Variants in USP32 observed in about 807,000 individuals in gnomAD.
The protein encoded by USP32 is ubiquitin carboxyl-terminal hydrolase 32.
USP32 carries 59 observed loss-of-function variants against 204.8 expected under a neutral mutation model. The ratio of observed to expected loss-of-function variants is 0.29; its 90% CI spans 0.23 to 0.36. The LOEUF is 0.36. Among genes scored for constraint, USP32 ranks in the 10% least tolerant of loss-of-function variants. The probability of loss-of-function intolerance (pLI) is 1.00; values close to 1 mark genes in which losing one functional copy is unlikely to be tolerated. For missense variants in USP32, 1,160 were observed against 1,946.4 expected, an observed-to-expected ratio of 0.60 and a Z score of 7.60; for synonymous variants, 517 against 678.4, an observed-to-expected ratio of 0.76 and a Z score of 3.70.
chr17:60,344,625 G>A (rs192161201), intron 2 of USP32, among the ~76,000 whole-genome samples: 37 of 151,612 alleles, frequency 2.4e-4, no homozygotes, highest in African/African-American at 7.5e-4. Context: ...AATTTTTTTG[G>A]TTGCTGTTTT....
intron 4 of USP32, among the ~76,000 whole-genome samples, chr17:60,294,383 AGTGTGT>A (rs60195146): frequency 3.4e-5 from 5 of 146,484 alleles, no homozygotes; most frequent in South Asian, 2.2e-4. Context: ...TTCCTGCAGG[AGTGTGT>A]GTGTGTGTGT....
At position 60,178,004 on chromosome 17, in the gene USP32, T is replaced by C. The variant is rs925759410; in HGVS notation, c.*1251A>G. On this transcript the variant is annotated 3_prime_UTR_variant, in exon 34 of 34. Coordinates refer to ENST00000300896, the MANE Select transcript of USP32 (RefSeq NM_032582.4). ...CCTGAAATAAATAATATTTATACTT[T>C]TGTTCCAGTCTTGATTAGAGAAAAA... is the stretch of plus-strand genomic sequence containing the variant. Among the ~76,000 whole-genome samples the C allele has an allele frequency of 6.6e-6, 1 of 152,190 alleles. No homozygotes were observed. The highest frequency in any genetic ancestry group is 1.5e-5 in the Non-Finnish European group (1 of 68,032).
chr17:60,301,950 A>G (rs528701257), intron 2 of USP32, among the ~76,000 whole-genome samples: 1 of 152,260 alleles, frequency 6.6e-6, no homozygotes, highest in East Asian at 1.9e-4. Context: ...TCAACTTTAC[A>G]ATGGTGTGAA....
intron 1 of USP32, among the ~76,000 whole-genome samples, chr17:60,369,712 T>C (rs2089400111): frequency 6.6e-6 from 1 of 152,074 alleles, no homozygotes; most frequent in Admixed American, 6.6e-5. Flanking sequence ...AGTGAAATAG[T>C]TGATTAAATT....
chr17:60,182,443 G>T (rs2084134726), intron 31 of USP32, among the ~76,000 whole-genome samples: 1 of 152,132 alleles, frequency 6.6e-6, no homozygotes, highest in Admixed American at 6.5e-5. Context: ...AAGTGAAAAG[G>T]CACATATTGT....
intron 26 of USP32, among the ~76,000 whole-genome samples, chr17:60,201,503 TA>T (rs2084674363): frequency 6.6e-6 from 1 of 151,948 alleles, no homozygotes; most frequent in Non-Finnish European, 1.5e-5. Context: ...TAATTAAATA[TA>T]AAGTTAATTT....
chr17:60,413,915 T>G (rs1342134550), intron 1 of USP32, among the ~76,000 whole-genome samples: 2 of 146,080 alleles, frequency 1.4e-5, no homozygotes, highest in African/African-American at 2.6e-5. Flanking sequence ...CTGTGGTTCA[T>G]GAGTGTGACC....
At chr17:60,343,064 C>T (rs1289027132) in intron 2 of USP32, among the ~76,000 whole-genome samples, 4 of 152,104 alleles carry the variant, frequency 2.6e-5, no homozygotes, top group South Asian at 2.1e-4. Context: ...TGGGCCATTA[C>T]GTAATGGTAA....
intron 1 of USP32, among the ~76,000 whole-genome samples, chr17:60,358,539 A>C (rs1380969442): frequency 6.6e-6 from 1 of 152,204 alleles, no homozygotes. Flanking sequence ...ATGCCACTGC[A>C]CTACAGCCTG....
At chr17:60,215,735 C>T (rs555309281) in intron 16 of USP32, among the ~76,000 whole-genome samples, 1 of 152,252 alleles carries the variant, frequency 6.6e-6, no homozygotes, top group South Asian at 2.1e-4. Flanking sequence ...GGTATAGACT[C>T]TACATAGCCA....
At chr17:60,393,837 A>G (rs1400422783), upstream of USP32, among the ~76,000 whole-genome samples, 1 of 152,102 alleles carries the variant, frequency 6.6e-6, no homozygotes. Context: ...GGCATGCGCC[A>G]CCATGCCTGG....
At chr17:60,379,845 C>T (rs1003573107) in intron 1 of USP32, among the ~76,000 whole-genome samples, 1 of 152,184 alleles carries the variant, frequency 6.6e-6, no homozygotes, top group Admixed American at 6.6e-5. Flanking sequence ...TACAGACACA[C>T]CAATGACTGT....
chr17:60,376,346 A>T (rs1272351800), intron 1 of USP32, among the ~76,000 whole-genome samples: 1 of 151,784 alleles, frequency 6.6e-6, no homozygotes, highest in Non-Finnish European at 1.5e-5. Flanking sequence ...GTATCTTATT[A>T]TAACTACACT....
intron 14 of USP32, among the ~76,000 whole-genome samples, chr17:60,222,909 T>C (rs956676213): frequency 1.3e-5 from 2 of 151,976 alleles, no homozygotes; most frequent in Non-Finnish European, 2.9e-5. Context: ...CTCAAACTCC[T>C]AACCTCAGGT....
intron 14 of USP32, among the ~76,000 whole-genome samples, chr17:60,223,135 GA>G (rs1029519137): frequency 1.3e-5 from 2 of 151,230 alleles, no homozygotes; most frequent in South Asian, 2.1e-4. Flanking sequence ...TACTAGTTTG[GA>G]AAAAAAAATT....
intron 16 of USP32, among the ~76,000 whole-genome samples, chr17:60,214,979 GT>G (rs1444304107): frequency 6.6e-6 from 1 of 152,014 alleles, no homozygotes; most frequent in Non-Finnish European, 1.5e-5. Flanking sequence ...TTGTTTGTTT[GT>G]TTTTAATAGA....
At chr17:60,360,496 T>A (rs1159838006) in intron 1 of USP32, among the ~76,000 whole-genome samples, 2 of 151,558 alleles carry the variant, frequency 1.3e-5, no homozygotes, top group Non-Finnish European at 2.9e-5. Flanking sequence ...CCGTATCTAC[T>A]AAAAATACAA....
rs897287775 is a variant in USP32, at chr17:60,391,900, C to G, written c.40G>C (p.Glu14Gln). The G allele has an allele frequency of 1.6e-5, 26 of 1,611,924 alleles. No individual in the cohort carries two copies. The highest frequency in any genetic ancestry group is 2.2e-5 in the Non-Finnish European group (26 of 1,179,192). The change falls in exon 1 of 34, where the codon GAG (glutamate) becomes CAG (glutamine). Residue 14 changes from glutamate (E) to glutamine (Q), a missense_variant. This residue lies in a region of USP32 where 536 missense variants were observed against 680.9 expected (regional missense o/e 0.79). Coordinates refer to ENST00000300896, the MANE Select transcript of USP32 (RefSeq NM_032582.4). Reference sequence around the variant, plus strand: ...CCCTCACCTCTCCTCAGCGCCTCCTCGTAGCTGAGGAATCCGATCCGTGAC... The same window carrying G: ...CCCTCACCTCTCCTCAGCGCCTCCTGGTAGCTGAGGAATCCGATCCGTGAC... ...KESRIGFLSY[E>Q]EALRRVTDVE...
rs998771799 is a variant in USP32 at position 60,179,190 on chromosome 17, C to A, written c.*65G>T. ...GCTTGCCTTTCAGTGACGCTTTTGCCAAATGTCAGCTACAAGGAGTCATCT... is the reference window on the plus strand; with the variant it reads ...GCTTGCCTTTCAGTGACGCTTTTGCAAAATGTCAGCTACAAGGAGTCATCT... On this transcript the variant is annotated 3_prime_UTR_variant, in exon 34 of 34. Coordinates refer to ENST00000300896, the MANE Select transcript of USP32 (RefSeq NM_032582.4). 2.8e-5 allele frequency: 43 copies of A among 1,534,590 alleles called. No homozygotes were observed. The highest frequency in any genetic ancestry group is 3.7e-5 in the Non-Finnish European group (42 of 1,134,596).
Sources: gnomAD v4.1 joint callset for allele counts (sites outside exome capture counted in the v4.1 genomes callset) on GRCh38, gnomAD v4.1.1 for gene constraint, gnomAD v4.1.1 regional missense constraint, MANE v1.5 for transcripts, NCBI Gene and HGNC (gene_info 2026-07-23, HGNC 2026-07-21) for gene names.